Variants in TUSC3 observed in about 807,000 individuals in gnomAD.
TUSC3 encodes tumor suppressor candidate 3.
TUSC3 carries 45 observed loss-of-function variants against 44.8 expected under a neutral mutation model. The observed-to-expected ratio is 1.00, with a 90% CI of 0.79 to 1.29. The LOEUF (loss-of-function observed/expected upper bound fraction) is 1.29. TUSC3 is among the 50% of genes most tolerant of loss of function. The probability of loss-of-function intolerance (pLI) is 0.00; values close to 1 mark genes in which losing one functional copy is unlikely to be tolerated. For missense variants in TUSC3, 519 were observed against 437.9 expected (o/e 1.19, Z -1.65); for synonymous variants, 212 against 152.9 (o/e 1.39, Z -2.85).
intron 1 of TUSC3, among the ~76,000 whole-genome samples, chr8:15,463,509 T>C (rs1333709273): frequency 2.6e-5 from 4 of 152,158 alleles, no homozygotes; most frequent in Non-Finnish European, 5.9e-5. Context: ...TCTCATTTTA[T>C]GTGCTCTTAA....
chr8:15,557,830 C>G (rs1396621041), intron 1 of TUSC3, among the ~76,000 whole-genome samples: 1 of 128,920 alleles, frequency 7.8e-6, no homozygotes, highest in Non-Finnish European at 1.7e-5. Context: ...TATAAGAATG[C>G]TTGTGATTTT....
intron 1 of TUSC3, among the ~76,000 whole-genome samples, chr8:15,616,155 A>G (rs1804977424): frequency 6.6e-6 from 1 of 151,676 alleles, no homozygotes; most frequent in South Asian, 2.1e-4. Flanking sequence ...AGACTCTTAA[A>G]GAATAAAAGT....
chr8:15,426,711 C>T lies in TUSC3; in HGVS notation n.91+9406C>T, dbSNP rs371997092. On this transcript the variant is annotated intron_variant and non_coding_transcript_variant, in intron 1 of 5. Transcript: ENST00000503191. Reference sequence around the variant, plus strand: ...ATGAACATGGGTGAAGCTATCTCTCCAAGATCCTGATTTTAATTCTTTTGG... The same window carrying T: ...ATGAACATGGGTGAAGCTATCTCTCTAAGATCCTGATTTTAATTCTTTTGG... Among the ~76,000 whole-genome samples the T allele has an allele frequency of 6.6e-5, 10 of 152,264 alleles. No homozygotes were observed. The East Asian group carries it at 1.4e-3, about 21-fold the overall frequency.
chr8:15,833,040 CAG>C, the TUSC3 span, among the ~76,000 whole-genome samples: 1 of 151,944 alleles, frequency 6.6e-6, no homozygotes, highest in Admixed American at 6.6e-5. Context: ...AGTAAAAAAA[CAG>C]GGAATGGACA....
the TUSC3 span, among the ~76,000 whole-genome samples, chr8:15,823,779 CAG>C: frequency 7.0e-6 from 1 of 143,232 alleles, no homozygotes; most frequent in African/African-American, 2.6e-5. Context: ...CTAAATCAAA[CAG>C]AGACTGGCAA....
At chr8:15,419,977 A>G (rs2129114861) in intron 1 of TUSC3, among the ~76,000 whole-genome samples, 1 of 152,294 alleles carries the variant, frequency 6.6e-6, no homozygotes, top group South Asian at 2.1e-4. Context: ...AAAGGACAAT[A>G]TATTTCAATG....
At chr8:15,607,133 A>G (rs1804564865) in intron 1 of TUSC3, among the ~76,000 whole-genome samples, 2 of 152,242 alleles carry the variant, frequency 1.3e-5, no homozygotes, top group Admixed American at 1.3e-4. Context: ...TTCTCCTGCC[A>G]CAAATGGTTG....
intron 1 of TUSC3, among the ~76,000 whole-genome samples, chr8:15,560,833 G>A (rs199837391): frequency 0.13 from 12,038 of 89,434 alleles, 799 homozygotes; most frequent in Middle Eastern, 0.18. Context: ...CGTAGTTCTC[G>A]AGCCTTGGTT....
intron 9 of TUSC3, among the ~76,000 whole-genome samples, chr8:15,752,056 C>T (rs77443081): frequency 6.6e-6 from 1 of 152,034 alleles, no homozygotes; most frequent in Non-Finnish European, 1.5e-5. Context: ...CATCCATGAA[C>T]CGGGGAATAA....
chr8:15,640,191 T>C (rs1232016621), intron 2 of TUSC3, among the ~76,000 whole-genome samples: 1 of 152,112 alleles, frequency 6.6e-6, no homozygotes, highest in East Asian at 1.9e-4. Context: ...AGAGGGCATC[T>C]ACATGACCAA....
At chr8:15,504,615 ATATATATTTTTTTT>A (rs1167918350) in intron 2 of TUSC3, among the ~76,000 whole-genome samples, 10 of 19,016 alleles carry the variant, frequency 5.3e-4, no homozygotes, top group African/African-American at 2.9e-3. Flanking sequence ...ATATATATAT[ATATATATTTTTTTT>A]TTTTTTTTTT....
the TUSC3 span, among the ~76,000 whole-genome samples, chr8:15,805,957 G>A: frequency 6.6e-6 from 1 of 152,124 alleles, no homozygotes; most frequent in South Asian, 2.1e-4. Flanking sequence ...TTACTTAAGT[G>A]TCAAATTTAC....
At position 15,585,842 on chromosome 8, in the gene TUSC3, G is replaced by A. The variant is rs192951420; in HGVS notation, c.139-37238G>A. Reference sequence around the variant, plus strand: ...CGGAGGACCCACCCTAACTGCCTGCGTGAGCGTGACCGGGTTTTTTTGTTT... The same window carrying A: ...CGGAGGACCCACCCTAACTGCCTGCATGAGCGTGACCGGGTTTTTTTGTTT... On this transcript the variant is annotated intron_variant, in intron 1 of 10. Coordinates refer to ENST00000503731, the MANE Select transcript of TUSC3 (RefSeq NM_006765.4). Among the ~76,000 whole-genome samples, 456 of 152,242 alleles carry A rather than the reference G, an allele frequency of 3.0e-3. 2 individuals are homozygous for A. Among genetic ancestry groups the A allele is most frequent in the Middle Eastern group, 6.8e-3 (2 of 294 alleles).
rs75582583 is a variant in TUSC3, at chr8:15,574,197, T to C, written c.138+33629T>C. On this transcript the variant is annotated intron_variant, in intron 1 of 10. Transcript: ENST00000503731. ...CACAGTGAGTGCCCTCAGTAATTTA[T>C]AGTATCTCCCTAATTCCTTACTCCC... Among the ~76,000 whole-genome samples the C allele has an allele frequency of 6.4e-3, 968 of 152,264 alleles. 10 individuals are homozygous for C. Among genetic ancestry groups the C allele is most frequent in the Non-Finnish European group, 0.01 (697 of 68,014 alleles).
chr8:15,455,190 C>G (rs958186822), intron 1 of TUSC3, among the ~76,000 whole-genome samples: 1 of 152,114 alleles, frequency 6.6e-6, no homozygotes, highest in Non-Finnish European at 1.5e-5. Context: ...TAAACACATA[C>G]CAAGTGACCT....
intron 2 of TUSC3, among the ~76,000 whole-genome samples, chr8:15,485,719 C>T (rs1299038057): frequency 1.3e-5 from 2 of 152,082 alleles, no homozygotes; most frequent in East Asian, 1.9e-4. Flanking sequence ...AGACCAAGGA[C>T]AGAGCTTTGC....
At chr8:15,688,512 T>A (rs1808740103) in intron 6 of TUSC3, among the ~76,000 whole-genome samples, 1 of 151,740 alleles carries the variant, frequency 6.6e-6, no homozygotes, top group Non-Finnish European at 1.5e-5. Flanking sequence ...TCACAGGGGT[T>A]TGATGTACAG....
the TUSC3 span, among the ~76,000 whole-genome samples, chr8:15,783,155 G>A: frequency 2.0e-5 from 3 of 152,108 alleles, no homozygotes; most frequent in Admixed American, 1.3e-4. Context: ...CCAATGTGGT[G>A]AAAGATCTGT....
At chr8:15,738,484 C>G (rs951066189) in intron 7 of TUSC3, among the ~76,000 whole-genome samples, 4 of 152,232 alleles carry the variant, frequency 2.6e-5, no homozygotes, top group Admixed American at 2.6e-4. Context: ...CACAGAAACA[C>G]CCATTCATTT....
Sources: gnomAD v4.1 joint callset for allele counts (sites outside exome capture counted in the v4.1 genomes callset) on GRCh38, gnomAD v4.1.1 for gene constraint, MANE v1.5 for transcripts, NCBI Gene and HGNC (gene_info 2026-07-23, HGNC 2026-07-21) for gene names.